Variants in SGCZ observed in about 807,000 individuals in gnomAD.
SGCZ encodes the protein sarcoglycan zeta.
In SGCZ, 40 loss-of-function variants were observed where a neutral mutation model predicts 41.3. That is an observed-to-expected ratio of 0.97 (90% CI 0.75 to 1.26). SGCZ has a LOEUF of 1.26. SGCZ is among the 50% of genes most tolerant of loss of function. The pLI is 0.00. For missense variants in SGCZ, 552 were observed against 369.8 expected, an observed-to-expected ratio of 1.49 and a Z score of -4.04; for synonymous variants, 206 against 137.5, an observed-to-expected ratio of 1.50 and a Z score of -3.49.
chr8:14,259,792 G>A (rs963016165), intron 3 of SGCZ, among the ~76,000 whole-genome samples: 25 of 150,240 alleles, frequency 1.7e-4, no homozygotes, highest in Non-Finnish European at 8.9e-5. Flanking sequence ...TTGGCGATGC[G>A]GGCTCTTTTT....
intron 1 of SGCZ, among the ~76,000 whole-genome samples, chr8:15,130,052 T>G (rs1384356997): frequency 1.3e-5 from 2 of 152,194 alleles, no homozygotes; most frequent in Admixed American, 6.5e-5. Flanking sequence ...TCTCTTCTAA[T>G]CAGAATGAGG....
intron 1 of SGCZ, among the ~76,000 whole-genome samples, chr8:14,816,639 T>C (rs575659509): frequency 1.1e-3 from 160 of 147,716 alleles, no homozygotes; most frequent in African/African-American, 4.0e-3. Context: ...GTTGTTGGAC[T>C]CTGAGGTGAA....
At chr8:15,068,089 C>G (rs1461269071) in intron 1 of SGCZ, among the ~76,000 whole-genome samples, 1 of 152,146 alleles carries the variant, frequency 6.6e-6, no homozygotes, top group Non-Finnish European at 1.5e-5. Context: ...AAAGATGCCA[C>G]TAGAGGTCTG....
At chr8:14,543,034 CTG>C (rs1419533590) in intron 2 of SGCZ, among the ~76,000 whole-genome samples, 3 of 151,740 alleles carry the variant, frequency 2.0e-5, no homozygotes, top group Non-Finnish European at 4.4e-5. Context: ...CTATTACACT[CTG>C]TGTTATATTG....
chr8:14,332,534 C>T (rs1391457500), intron 2 of SGCZ: 1 of 151,914 alleles, frequency 6.6e-6, no homozygotes, highest in Non-Finnish European at 1.5e-5. Flanking sequence ...TAAAAACGGA[C>T]GCACTTAATA....
intron 1 of SGCZ, among the ~76,000 whole-genome samples, chr8:14,960,931 G>GCACACA (rs56258079): frequency 9.0e-5 from 13 of 144,368 alleles, no homozygotes; most frequent in Admixed American, 2.8e-4. Flanking sequence ...CAAGGAAATG[G>GCACACA]CACACACACA....
At chr8:14,514,686 T>C (rs529063122) in intron 2 of SGCZ, among the ~76,000 whole-genome samples, 26 of 149,288 alleles carry the variant, frequency 1.7e-4, no homozygotes, top group Admixed American at 1.2e-3. Flanking sequence ...TATATACGTA[T>C]ATATTTACAT....
intron 1 of SGCZ, among the ~76,000 whole-genome samples, chr8:14,605,470 C>G (rs543749554): frequency 6.6e-6 from 1 of 152,126 alleles, no homozygotes; most frequent in Non-Finnish European, 1.5e-5. Context: ...TGACTATAGC[C>G]ACCCTGTTAT....
chr8:15,144,186 A>T (rs1798971692), intron 1 of SGCZ, among the ~76,000 whole-genome samples: 1 of 152,224 alleles, frequency 6.6e-6, no homozygotes, highest in Non-Finnish European at 1.5e-5. Flanking sequence ...GGTGATACAG[A>T]ATCAGAAAAT....
intron 4 of SGCZ, among the ~76,000 whole-genome samples, chr8:14,207,177 C>T (rs7839757): frequency 0.99 from 151,367 of 152,154 alleles, 75,298 homozygotes; most frequent in East Asian, 1. Context: ...ACTAGCTTGA[C>T]CTTTGTAGTC....
intron 1 of SGCZ, among the ~76,000 whole-genome samples, chr8:14,555,339 C>T (rs573882560): frequency 1.6e-3 from 246 of 152,038 alleles, no homozygotes; most frequent in African/African-American, 5.6e-3. Context: ...TGGCTCCTGG[C>T]GAAAGGTGAT....
At chr8:14,220,562 T>C (rs989725551) in intron 4 of SGCZ, among the ~76,000 whole-genome samples, 2 of 151,902 alleles carry the variant, frequency 1.3e-5, no homozygotes, top group Non-Finnish European at 2.9e-5. Flanking sequence ...TCTGTGTATG[T>C]GTTATAAGAT....
chr8:14,578,550 T>C (rs1001021489), intron 1 of SGCZ, among the ~76,000 whole-genome samples: 26 of 152,194 alleles, frequency 1.7e-4, no homozygotes, highest in African/African-American at 6.0e-4. Flanking sequence ...CAAAAGAAGT[T>C]TGGGAGGCTT....
At position 14,527,081 on chromosome 8, in the gene SGCZ, G is replaced by A. The variant is rs184555772; in HGVS notation, c.234+27651C>T. 1.2e-4 allele frequency among the ~76,000 whole-genome samples: 18 copies of A among 152,150 alleles called. No individual in the cohort carries two copies. In the South Asian group the frequency reaches 3.1e-3, roughly 26 times the overall value. On this transcript the variant is annotated intron_variant, in intron 2 of 7. Transcript: ENST00000382080. ...AAGATCCCAGCCCTCACTAGCATGT[G>A]TATGAATTTCACATGTGACATGAAG...
chr8:14,583,302 G>A (rs940300975), intron 1 of SGCZ, among the ~76,000 whole-genome samples: 3 of 152,000 alleles, frequency 2.0e-5, no homozygotes, highest in East Asian at 1.9e-4. Context: ...CTGCATAAAT[G>A]TCTTCTTTTG....
chr8:15,172,154 G>GTTTTTTTTTTTTTTTTTTTT (rs1183210302), intron 1 of SGCZ, among the ~76,000 whole-genome samples: 1 of 71,774 alleles, frequency 1.4e-5, no homozygotes. Context: ...TTTATACTCT[G>GTTTTTTTTTTTTTTTTTTTT]TTTTTTTTTT....
At chr8:14,900,015 C>A (rs753155197) in intron 1 of SGCZ, among the ~76,000 whole-genome samples, 1 of 151,938 alleles carries the variant, frequency 6.6e-6, no homozygotes, top group Non-Finnish European at 1.5e-5. Flanking sequence ...TGAGAGGAGA[C>A]CTTTCAGTGA....
At chr8:15,155,802 T>G (rs183903118) in intron 1 of SGCZ, among the ~76,000 whole-genome samples, 20 of 152,210 alleles carry the variant, frequency 1.3e-4, no homozygotes, top group Admixed American at 9.8e-4. Flanking sequence ...TTACACCTGT[T>G]ATCCTAGCAC....
intron 1 of SGCZ, among the ~76,000 whole-genome samples, chr8:15,201,727 T>C (rs1800896088): frequency 6.6e-6 from 1 of 152,160 alleles, no homozygotes; most frequent in Non-Finnish European, 1.5e-5. Context: ...CACATTGCAA[T>C]GCATAGAAAC....
Sources: allele counts gnomAD v4.1 joint callset (sites outside exome capture counted in the v4.1 genomes callset), GRCh38; gene constraint gnomAD v4.1.1; transcripts MANE v1.5; gene names NCBI Gene and HGNC (gene_info 2026-07-23, HGNC 2026-07-21).